Variants in RBMXL3 observed in about 807,000 individuals in gnomAD.
RBMXL3 encodes the protein RBMX like 3, also known as RNA-binding motif protein, X-linked-like-3.
In RBMXL3, 2 loss-of-function variants were observed where a neutral mutation model predicts 0.8. The observed-to-expected ratio is 2.54, with a 90% CI of 1.04 to 8.00. The LOEUF (loss-of-function observed/expected upper bound fraction) is 8.00, where lower values mean the gene tolerates loss of function less well. RBMXL3 is among the 30% of genes most tolerant of loss of function. The pLI is 0.04. For synonymous variants in RBMXL3, 447 were observed against 449.8 expected, an observed-to-expected ratio of 0.99 and a Z score of 0.08; for missense variants, 1,127 against 1,068.0, an observed-to-expected ratio of 1.06 and a Z score of -0.77.
rs890387612 is a variant in RBMXL3, at chrX:115,190,375, G to A, written c.934G>A (p.Gly312Ser). ...CCTCAAGAGCTACGGAGGCCCATGC[G>A]GCGCTGCCCCTGTGTGGGGGACACC... Reference protein sequence around the residue: ...EPLKSYGGPCGAAPVWGTPPS... With the variant: ...EPLKSYGGPCSAAPVWGTPPS... The change falls in exon 1 of 1, where the codon GGC (glycine) becomes AGC (serine). Residue 312 changes from glycine to serine, a missense_variant. Coordinates refer to ENST00000424776, the MANE Select transcript of RBMXL3 (RefSeq NM_001145346.2). 13 of 1,160,340 alleles carry A rather than the reference G, an allele frequency of 1.1e-5. No homozygotes were observed. The highest frequency in any genetic ancestry group is 5.4e-5 in the African/African-American group (3 of 55,595).
Position 115,191,882 on chromosome X carries a change from G to C in RBMXL3, c.2441G>C (p.Gly814Ala), listed in dbSNP as rs1224520516. 1.7e-6 allele frequency: 2 copies of C among 1,165,659 alleles called. No individual in the cohort carries two copies. The highest frequency in any genetic ancestry group is 3.3e-5 in the East Asian group (1 of 30,663). ...NSSSRNDPCR[G>A]GGRYEENRGH... The stretch of plus-strand genomic sequence containing the variant: ...TCCAGCCGGAACGACCCCTGCAGAG[G>C]AGGAGGCCGCTACGAGGAGAACCGA... Residue 814 changes from glycine to alanine, a missense_variant, in exon 1 of 1, where the codon GGA (glycine) becomes GCA (alanine). Physicochemically the swap from Gly to Ala is moderately conservative, Grantham distance 60. Transcript: ENST00000424776.
rs1556558480 is a variant in RBMXL3 at position 115,190,973 on chromosome X, A to G, written c.1532A>G (p.Glu511Gly). Residue 511 changes from glutamate to glycine, a missense_variant, in exon 1 of 1, where the codon GAG becomes GGG. Glu to Gly is a moderately conservative substitution (Grantham distance 98, BLOSUM62 -2). Coordinates refer to ENST00000424776, the MANE Select transcript of RBMXL3 (RefSeq NM_001145346.2). Reference sequence around the variant, plus strand: ...CGCTACGGAGTAGGAGGCCACTATGAGGAGAACCGAGGCCACTCTCTGGAT... The same window carrying G: ...CGCTACGGAGTAGGAGGCCACTATGGGGAGAACCGAGGCCACTCTCTGGAT... Reference protein sequence around the residue: ...SDRYGVGGHYEENRGHSLDAN... With the variant: ...SDRYGVGGHYGENRGHSLDAN... 1 of 1,162,392 alleles carries G rather than the reference A, an allele frequency of 8.6e-7. No individual in the cohort carries two copies. Among genetic ancestry groups the G allele is most frequent in the Non-Finnish European group, 1.1e-6 (1 of 871,577 alleles).
At position 115,190,093 on chromosome X, in the gene RBMXL3, G is replaced by C; in HGVS notation, c.652G>C (p.Gly218Arg). 1 of 1,155,135 alleles carries C rather than the reference G, an allele frequency of 8.7e-7. No homozygotes were observed. The highest frequency in any genetic ancestry group is 1.2e-6 in the Non-Finnish European group (1 of 865,818). Residue 218 changes from glycine (G) to arginine (R), a missense_variant, in exon 1 of 1, where the codon GGC (glycine) becomes CGC (arginine). Coordinates refer to ENST00000424776, the MANE Select transcript of RBMXL3 (RefSeq NM_001145346.2). ...VPRSSLARIG[G>R]SGMPGKAPAV... ...CCGGTCAAGCCTGGCTCGCATTGGC[G>C]GCAGTGGAATGCCTGGGAAGGCCCC...
Position 115,189,609 on chromosome X carries a change from C to G in RBMXL3, c.168C>G (p.Phe56Leu), listed in dbSNP as rs1556556208. 1 of 1,169,668 alleles carries G rather than the reference C, an allele frequency of 8.5e-7. No individual in the cohort carries two copies. The part of the protein sequence containing the change: ...NKSRGFAFVT[F>L]ESPADAKAAA... ...CGAGGGGCTTCGCGTTCGTCACCTT[C>G]GAAAGCCCTGCAGACGCCAAGGCTG... Residue 56 changes from phenylalanine (F) to leucine (L), a missense_variant, in exon 1 of 1, where the codon TTC (phenylalanine) becomes TTG (leucine). By Grantham distance (22) the Phe-to-Leu change is conservative. Transcript: ENST00000424776.
At position 115,189,844 on chromosome X, in the gene RBMXL3, G is replaced by A. The variant is rs782647407; in HGVS notation, c.403G>A (p.Gly135Arg). 103 of 1,166,246 alleles carry A rather than the reference G, an allele frequency of 8.8e-5. No individual in the cohort carries two copies. The highest frequency in any genetic ancestry group is 1.1e-4 in the Non-Finnish European group (94 of 872,849). The change falls in exon 1 of 1, where the codon GGG becomes AGG. Residue 135 changes from glycine (G) to arginine (R), a missense_variant. By Grantham distance (125) the Gly-to-Arg change is moderately radical. Coordinates refer to ENST00000424776, the MANE Select transcript of RBMXL3 (RefSeq NM_001145346.2). ...GCCTGATGACGGCCGCGGCTACGCG[G>A]GGTATTTCGACCTGTGGCCCTACAG... ...GRPDDGRGYA[G>R]YFDLWPYRAP...
At position 115,191,063 on chromosome X, in the gene RBMXL3, A is replaced by C; in HGVS notation, c.1622A>C (p.Tyr541Ser). The C allele has an allele frequency of 1.7e-6, 2 of 1,162,602 alleles. No homozygotes were observed. Among genetic ancestry groups the C allele is most frequent in the Middle Eastern group, 2.3e-4 (1 of 4,276 alleles). ...GGCCACAGCAGTTCCAGCAACAGTT[A>C]CGGCCAGAGCCACCGCTATGGAGGA... is the stretch of plus-strand genomic sequence containing the variant. ...SGGHSSSSNSYGQSHRYGGEG... is the reference protein window; with the variant it reads ...SGGHSSSSNSSGQSHRYGGEG... Residue 541 changes from tyrosine (Y) to serine (S), a missense_variant, in exon 1 of 1, where the codon TAC becomes TCC. Physicochemically the swap from Tyr to Ser is moderately radical, Grantham distance 144 (BLOSUM62 -2). Transcript: ENST00000424776.
Position 115,190,874 on chromosome X carries a change from C to A in RBMXL3, c.1433C>A (p.Ser478Ter), listed in dbSNP as rs377255569. ...CGTTATGAGGAGTACCAAGGCCGCTCGCTGGATGCCAACAGTGGAGGCTGC... is the reference window on the plus strand; with the variant it reads ...CGTTATGAGGAGTACCAAGGCCGCTAGCTGGATGCCAACAGTGGAGGCTGC... ...GGRYEEYQGR[S>*]LDANSGGCSP... The change falls in exon 1 of 1, where the codon TCG (serine) becomes TAG (stop). Residue 478 changes from serine (S) to a stop codon, truncating the protein, a stop_gained. Coordinates refer to ENST00000424776, the MANE Select transcript of RBMXL3 (RefSeq NM_001145346.2). LOFTEE classifies it low-confidence loss of function (END_TRUNC). 8.7e-7 allele frequency: 1 copy of A among 1,153,276 alleles called. No homozygotes were observed. Among genetic ancestry groups the A allele is most frequent in the Non-Finnish European group, 1.2e-6 (1 of 865,720 alleles).
chrX:115,189,653 G>T lies in RBMXL3; in HGVS notation c.212G>T (p.Gly71Val), dbSNP rs1365095705. The T allele has an allele frequency of 6.8e-6, 8 of 1,168,663 alleles. No homozygotes were observed. The highest frequency in any genetic ancestry group is 8.0e-6 in the Non-Finnish European group (7 of 873,329). The change falls in exon 1 of 1, where the codon GGC becomes GTC. Residue 71 changes from glycine (G) to valine (V), a missense_variant. Coordinates refer to ENST00000424776, the MANE Select transcript of RBMXL3 (RefSeq NM_001145346.2). ...AAGGCTGCCGCCAGAGATATGAACG[G>T]CAAGTACCTGGATGGTAAGGCCATC... ...DAKAAARDMN[G>V]KYLDGKAIMV...
In RBMXL3 at chrX:115,189,703, G is replaced by C; in HGVS notation, c.262G>C (p.Ala88Pro). The C allele has an allele frequency of 1.0e-5, 12 of 1,167,686 alleles. No homozygotes were observed. The highest frequency in any genetic ancestry group is 1.4e-5 in the Non-Finnish European group (12 of 873,040). The change falls in exon 1 of 1, where the codon GCA becomes CCA. Residue 88 changes from alanine to proline, a missense_variant. Transcript: ENST00000424776. ...CATGGTGGCCCAGACCATCAAACCG[G>C]CATTCAAGAGCAGCCGATGGGTCCC... ...AIMVAQTIKPAFKSSRWVPPT... is the reference protein window; with the variant it reads ...AIMVAQTIKPPFKSSRWVPPT...
At position 115,191,720 on chromosome X, in the gene RBMXL3, A is replaced by G; in HGVS notation, c.2279A>G (p.Tyr760Cys). ...AGCAGTGGCCGCTTGCCTGACGCCTACAGTGGGGGCCATGACAGTTCCAGC... is the reference window on the plus strand; with the variant it reads ...AGCAGTGGCCGCTTGCCTGACGCCTGCAGTGGGGGCCATGACAGTTCCAGC... ...ANSSGRLPDA[Y>C]SGGHDSSSRS... The change falls in exon 1 of 1, where the codon TAC becomes TGC. Residue 760 changes from tyrosine to cysteine, a missense_variant. By Grantham distance (194) the Tyr-to-Cys change is radical (BLOSUM62 -2). Transcript: ENST00000424776. 1.7e-6 allele frequency: 2 copies of G among 1,163,311 alleles called. No homozygotes were observed. The highest frequency in any genetic ancestry group is 1.1e-6 in the Non-Finnish European group (1 of 872,014).
Position 115,189,843 on chromosome X carries a change from G to A in RBMXL3, c.402G>A (p.Ala134=), listed in dbSNP as rs1556556488. The change falls in exon 1 of 1, where the codon GCG becomes GCA. Residue 134 remains alanine (A), a synonymous_variant. Transcript: ENST00000424776. ...QGRPDDGRGY[A]GYFDLWPYRA... is the part of the protein sequence containing the mutation. ...GGCCTGATGACGGCCGCGGCTACGC[G>A]GGGTATTTCGACCTGTGGCCCTACA... The A allele has an allele frequency of 9.4e-6, 11 of 1,166,191 alleles. No homozygotes were observed. Among genetic ancestry groups the A allele is most frequent in the Admixed American group, 5.2e-5 (2 of 38,810 alleles).
Position 115,192,349 on chromosome X carries a change from A to G in RBMXL3, c.2908A>G (p.Ser970Gly). The G allele has an allele frequency of 9.3e-7, 1 of 1,080,216 alleles. No individual in the cohort carries two copies. The highest frequency in any genetic ancestry group is 1.2e-6 in the Non-Finnish European group (1 of 808,734). The allele number at this position is 1,080,216 out of a possible 1,213,427, so 89.0% of individuals were successfully genotyped here. A position where few individuals can be genotyped will look rare whatever the true frequency, so the allele number is the denominator to read the frequency against. ...HSGGRDSSIK[S>G]YGLSDRYGGG... ...TGGGGGCCGCGACAGTTCCATCAAG[A>G]GTTACGGCCTGAGCGACCGCTACGG... The change falls in exon 1 of 1, where the codon AGT (serine) becomes GGT (glycine). Residue 970 changes from serine (S) to glycine (G), a missense_variant. Transcript: ENST00000424776.
rs73580133 is a variant in RBMXL3 at position 115,191,048 on chromosome X, G to T, written c.1607G>T (p.Ser536Ile). The T allele has an allele frequency of 3.4e-4, 397 of 1,164,244 alleles. 1 individual carries two copies. The African/African-American group carries it at 6.6e-3, about 19-fold the overall frequency. Residue 536 changes from serine to isoleucine, a missense_variant, in exon 1 of 1, where the codon AGT becomes ATT. Coordinates refer to ENST00000424776, the MANE Select transcript of RBMXL3 (RefSeq NM_001145346.2). Reference sequence around the variant, plus strand: ...GACACCCACAGTGGGGGCCACAGCAGTTCCAGCAACAGTTACGGCCAGAGC... The same window carrying T: ...GACACCCACAGTGGGGGCCACAGCATTTCCAGCAACAGTTACGGCCAGAGC... The part of the protein sequence containing the change: ...SPDTHSGGHS[S>I]SSNSYGQSHR...
rs991973068 is a variant in RBMXL3 at position 115,189,841 on chromosome X, G to A, written c.400G>A (p.Ala134Thr). ...QGRPDDGRGY[A>T]GYFDLWPYRA... The stretch of plus-strand genomic sequence containing the variant: ...CAGGCCTGATGACGGCCGCGGCTAC[G>A]CGGGGTATTTCGACCTGTGGCCCTA... The change falls in exon 1 of 1, where the codon GCG becomes ACG. Residue 134 changes from alanine (A) to threonine (T), a missense_variant. Coordinates refer to ENST00000424776, the MANE Select transcript of RBMXL3 (RefSeq NM_001145346.2). 47 of 1,166,293 alleles carry A rather than the reference G, an allele frequency of 4.0e-5. No individual in the cohort carries two copies. Among genetic ancestry groups the A allele is most frequent in the East Asian group, 1.3e-4 (4 of 30,679 alleles).
At position 115,190,153 on chromosome X, in the gene RBMXL3, C is replaced by T. The variant is rs782451851; in HGVS notation, c.712C>T (p.Arg238Trp). 2.2e-4 allele frequency: 252 copies of T among 1,162,914 alleles called. 1 individual carries two copies. Among genetic ancestry groups the T allele is most frequent in the Middle Eastern group, 9.3e-4 (4 of 4,281 alleles). The change falls in exon 1 of 1, where the codon CGG (arginine) becomes TGG (tryptophan). Residue 238 changes from arginine (R) to tryptophan (W), a missense_variant. Coordinates refer to ENST00000424776, the MANE Select transcript of RBMXL3 (RefSeq NM_001145346.2). ...GGGGCAAGATGGCTACTCAGGCCCG[C>T]GGGTCCGGGAGCCACTGCCCCCGTG... is the stretch of plus-strand genomic sequence containing the variant. Reference protein sequence around the residue: ...VWGQDGYSGPRVREPLPPCRD... With the variant: ...VWGQDGYSGPWVREPLPPCRD...
At position 115,190,890 on chromosome X, in the gene RBMXL3, T is replaced by C. The variant is rs1473860015; in HGVS notation, c.1449T>C (p.Ser483=). Reference sequence around the variant, plus strand: ...AAGGCCGCTCGCTGGATGCCAACAGTGGAGGCTGCTCGCCCGAGGCCTACA... The same window carrying C: ...AAGGCCGCTCGCTGGATGCCAACAGCGGAGGCTGCTCGCCCGAGGCCTACA... The part of the protein sequence containing the change: ...EYQGRSLDAN[S]GGCSPEAYSG... Residue 483 remains serine, a synonymous_variant, in exon 1 of 1, where the codon AGT becomes AGC. Coordinates refer to ENST00000424776, the MANE Select transcript of RBMXL3 (RefSeq NM_001145346.2). 1.5e-5 allele frequency: 17 copies of C among 1,156,319 alleles called. No individual in the cohort carries two copies. The highest frequency in any genetic ancestry group is 1.3e-5 in the Non-Finnish European group (11 of 869,569).
In RBMXL3 at chrX:115,192,149, G is replaced by A. The variant is rs782419868; in HGVS notation, c.2708G>A (p.Arg903Gln). 5 of 1,166,674 alleles carry A rather than the reference G, an allele frequency of 4.3e-6. No homozygotes were observed. The highest frequency in any genetic ancestry group is 1.9e-5 in the South Asian group (1 of 52,717). Reference protein sequence around the residue: ...GRDSFSNSYGRSDHYGRGGCY... With the variant: ...GRDSFSNSYGQSDHYGRGGCY... ...GACAGTTTCAGCAACAGCTATGGCC[G>A]GAGTGACCATTACGGAAGAGGAGGC... Residue 903 changes from arginine (R) to glutamine (Q), a missense_variant, in exon 1 of 1, where the codon CGG becomes CAG. By Grantham distance (43) the Arg-to-Gln change is conservative. Transcript: ENST00000424776.
rs1556558173 is a variant in RBMXL3, at chrX:115,190,798, A to G, written c.1357A>G (p.Ser453Gly). Reference protein sequence around the residue: ...HSRGRSDDAYSGGHDSSSWSD... With the variant: ...HSRGRSDDAYGGGHDSSSWSD... ...CAGGGGCCGGTCCGACGACGCCTAC[A>G]GTGGGGGCCATGACAGTTCCAGCTG... Residue 453 changes from serine to glycine, a missense_variant, in exon 1 of 1, where the codon AGT becomes GGT. Physicochemically the swap from Ser to Gly is moderately conservative, Grantham distance 56. Transcript: ENST00000424776. The G allele has an allele frequency of 8.6e-7, 1 of 1,165,586 alleles. No individual in the cohort carries two copies. The highest frequency in any genetic ancestry group is 2.6e-5 in the Admixed American group (1 of 38,545).
Position 115,191,893 on chromosome X carries a change from T to C in RBMXL3, c.2452T>C (p.Tyr818His). The C allele has an allele frequency of 8.6e-7, 1 of 1,161,296 alleles. No homozygotes were observed. Among genetic ancestry groups the C allele is most frequent in the Non-Finnish European group, 1.1e-6 (1 of 871,680 alleles). Residue 818 changes from tyrosine to histidine, a missense_variant, in exon 1 of 1, where the codon TAC becomes CAC. Physicochemically the swap from Tyr to His is moderately conservative, Grantham distance 83 (BLOSUM62 2). Coordinates refer to ENST00000424776, the MANE Select transcript of RBMXL3 (RefSeq NM_001145346.2). ...CGACCCCTGCAGAGGAGGAGGCCGCTACGAGGAGAACCGAGGTCACTCTCT... is the reference window on the plus strand; with the variant it reads ...CGACCCCTGCAGAGGAGGAGGCCGCCACGAGGAGAACCGAGGTCACTCTCT... ...RNDPCRGGGR[Y>H]EENRGHSLDA...
Sources: gnomAD v4.1 joint callset for allele counts on GRCh38, gnomAD v4.1.1 for gene constraint, MANE v1.5 for transcripts, NCBI Gene and HGNC (gene_info 2026-07-23, HGNC 2026-07-21) for gene names.